Variants in GALNT13 observed in about 807,000 individuals in gnomAD.
GALNT13 encodes the protein UDP-GalNAc:polypeptide N-acetylgalactosaminyltransferase 13.
A neutral mutation model predicts 64.2 loss-of-function variants in GALNT13; 28 were observed. The observed-to-expected ratio is 0.44, with a 90% CI of 0.32 to 0.60. The LOEUF is 0.60. GALNT13 is among the 20% of genes least tolerant of loss of function. The pLI is 0.05. For synonymous variants in GALNT13, 214 were observed against 224.6 expected, an observed-to-expected ratio of 0.95 and a Z score of 0.42; for missense variants, 577 against 669.8, an observed-to-expected ratio of 0.86 and a Z score of 1.53.
chr2:153,538,172 T>C, the GALNT13 span, among the ~76,000 whole-genome samples: 1 of 152,082 alleles, frequency 6.6e-6, no homozygotes, highest in African/African-American at 2.4e-5. Context: ...TGAGAAACTT[T>C]TTGGGAATTG....
chr2:154,298,687 A>ATATATAAATTG lies in GALNT13; in HGVS notation c.976-2716_976-2715insAATTGTATATA, dbSNP rs1434599986. Among the ~76,000 whole-genome samples the ATATATAAATTG allele has an allele frequency of 8.1e-3, 900 of 110,990 alleles. 227 individuals carry two copies. The highest frequency in any genetic ancestry group is 0.019 in the East Asian group (79 of 4,170). The allele number at this position is 110,990 out of a possible 152,430, so 72.8% of individuals were successfully genotyped here. On this transcript the variant is annotated intron_variant, in intron 8 of 12. Coordinates refer to ENST00000392825, the MANE Select transcript of GALNT13 (RefSeq NM_052917.4). ...TATATATACATTGTATATACAATTT[A>ATATATAAATTG]TATATACATTGTATATACAATTTAT... is the stretch of plus-strand genomic sequence containing the variant.
At chr2:153,904,015 T>C (rs1357935931) in intron 2 of GALNT13, among the ~76,000 whole-genome samples, 2 of 152,040 alleles carry the variant, frequency 1.3e-5, no homozygotes, top group South Asian at 4.1e-4. Flanking sequence ...AAATAATGTA[T>C]CCTTATATGC....
At chr2:153,151,594 T>C in the GALNT13 span, among the ~76,000 whole-genome samples, 3 of 152,060 alleles carry the variant, frequency 2.0e-5, no homozygotes, top group African/African-American at 4.8e-5. Context: ...TGTCCAACAA[T>C]GATAGACTGG....
At chr2:153,389,313 G>A in the GALNT13 span, among the ~76,000 whole-genome samples, 1 of 152,044 alleles carries the variant, frequency 6.6e-6, no homozygotes, top group Non-Finnish European at 1.5e-5. Flanking sequence ...GTGTTGGTTT[G>A]TTCATGTTTC....
At chr2:153,844,369 C>G in the GALNT13 span, among the ~76,000 whole-genome samples, 1 of 152,188 alleles carries the variant, frequency 6.6e-6, no homozygotes, top group African/African-American at 2.4e-5. Flanking sequence ...TACCTAGACC[C>G]CTTTAAGCCA....
the GALNT13 span, among the ~76,000 whole-genome samples, chr2:153,473,352 GATA>G: frequency 1.3e-5 from 2 of 152,032 alleles, no homozygotes; most frequent in African/African-American, 4.8e-5. Flanking sequence ...ATACATGACT[GATA>G]ATAATATTAT....
the GALNT13 span, among the ~76,000 whole-genome samples, chr2:153,078,885 T>G: frequency 1.3e-5 from 2 of 152,156 alleles, no homozygotes; most frequent in East Asian, 3.9e-4. Flanking sequence ...TGCATTGTAT[T>G]AGACTCCTGG....
At chr2:153,264,262 G>T in the GALNT13 span, among the ~76,000 whole-genome samples, 1 of 151,812 alleles carries the variant, frequency 6.6e-6, no homozygotes, top group African/African-American at 2.4e-5. Context: ...AGTTTGAATG[G>T]CGACTATTAA....
At chr2:154,275,694 TC>T (rs761307431) in intron 8 of GALNT13, among the ~76,000 whole-genome samples, 1 of 151,642 alleles carries the variant, frequency 6.6e-6, no homozygotes, top group Non-Finnish European at 1.5e-5. Flanking sequence ...CCACACAGAG[TC>T]CCCCCTGGAC....
At chr2:153,342,834 C>A in the GALNT13 span, among the ~76,000 whole-genome samples, 1 of 152,116 alleles carries the variant, frequency 6.6e-6, no homozygotes, top group Admixed American at 6.5e-5. Context: ...GCAGGTCACT[C>A]CATTACCTTG....
At chr2:153,661,193 A>C in the GALNT13 span, among the ~76,000 whole-genome samples, 1 of 152,050 alleles carries the variant, frequency 6.6e-6, no homozygotes. Context: ...TTTATCTGTA[A>C]AATACTAAGT....
intron 8 of GALNT13, among the ~76,000 whole-genome samples, chr2:154,293,342 A>G (rs1294119245): frequency 6.6e-5 from 10 of 152,198 alleles, no homozygotes; most frequent in Admixed American, 5.9e-4. Flanking sequence ...CACAGTGTAC[A>G]TAACTCCTGG....
intron 4 of GALNT13, among the ~76,000 whole-genome samples, chr2:154,189,056 G>A (rs1481461292): frequency 6.6e-6 from 1 of 152,120 alleles, no homozygotes; most frequent in African/African-American, 2.4e-5. Context: ...TTTTGAATTA[G>A]GTGATTTAAG....
the GALNT13 span, among the ~76,000 whole-genome samples, chr2:153,316,208 G>A: frequency 1.6e-4 from 25 of 152,076 alleles, no homozygotes; most frequent in African/African-American, 5.8e-4. Context: ...CTCAAGCAGT[G>A]CTAACAGGAA....
At chr2:153,943,137 G>T (rs1691458302) in intron 2 of GALNT13, among the ~76,000 whole-genome samples, 2 of 152,140 alleles carry the variant, frequency 1.3e-5, no homozygotes, top group Admixed American at 1.3e-4. Context: ...TTAAACAAAT[G>T]TAGTAGTATA....
At chr2:153,876,039 A>G (rs923418618) in intron 1 of GALNT13, among the ~76,000 whole-genome samples, 6 of 152,124 alleles carry the variant, frequency 3.9e-5, no homozygotes, top group Non-Finnish European at 8.8e-5. Context: ...CCATATGCCT[A>G]ATTATCAAAG....
chr2:153,126,296 GTATATATATATATATATATATA>G, the GALNT13 span, among the ~76,000 whole-genome samples: 5,631 of 118,804 alleles, frequency 0.047, 356 homozygotes, highest in East Asian at 0.21. Context: ...TATTGATTTT[GTATATATATATATATATATATA>G]TATATATATA....
the GALNT13 span, among the ~76,000 whole-genome samples, chr2:153,787,450 C>T: frequency 2.0e-5 from 3 of 152,182 alleles, no homozygotes; most frequent in Admixed American, 1.3e-4. Flanking sequence ...TGACTGTACT[C>T]AATGTATATG....
intron 9 of GALNT13, among the ~76,000 whole-genome samples, chr2:154,328,767 T>C (rs1695011295): frequency 6.6e-6 from 1 of 152,182 alleles, no homozygotes; most frequent in African/African-American, 2.4e-5. Context: ...AAGTCCTCCT[T>C]GCTCCAACAT....
Sources: gnomAD v4.1 joint callset for allele counts (sites outside exome capture counted in the v4.1 genomes callset) on GRCh38, gnomAD v4.1.1 for gene constraint, MANE v1.5 for transcripts, NCBI Gene and HGNC (gene_info 2026-07-23, HGNC 2026-07-21) for gene names.